Variants in EVA1A observed in about 807,000 individuals in gnomAD.
The protein encoded by EVA1A is eva-1 homolog A, regulator of programmed cell death.
In EVA1A, 7 loss-of-function variants were observed where a neutral mutation model predicts 9.8. The observed-to-expected ratio is 0.71, with a 90% CI of 0.41 to 1.34. The LOEUF is 1.34. EVA1A is among the 40% of genes most tolerant of loss of function. EVA1A has a pLI of 0.01. For synonymous variants in EVA1A, 90 were observed against 85.6 expected (o/e 1.05, Z -0.28); for missense variants, 206 against 205.9 (o/e 1.00, Z 0.00).
At chr2:75,518,937 T>A in intron 2 of EVA1A, 1 of 883,598 alleles carries the variant, frequency 1.1e-6, no homozygotes, top group African/African-American at 1.8e-5. Context: ...CTCGAGCTGC[T>A]CCCTGCCTCT....
At chr2:75,506,319 T>C (rs1168162714) in intron 3 of EVA1A, among the ~76,000 whole-genome samples, 1 of 152,260 alleles carries the variant, frequency 6.6e-6, no homozygotes, top group Non-Finnish European at 1.5e-5. Flanking sequence ...CATACTATTA[T>C]AGCTCTTGAT....
intron 3 of EVA1A, among the ~76,000 whole-genome samples, chr2:75,497,766 G>A (rs1674262671): frequency 1.4e-5 from 2 of 143,730 alleles, no homozygotes; most frequent in Admixed American, 7.4e-5. Context: ...CAGGAGGATC[G>A]CTTGAGCCAG....
chr2:75,548,838 G>A (rs1676419539), intron 1 of EVA1A, among the ~76,000 whole-genome samples: 1 of 151,818 alleles, frequency 6.6e-6, no homozygotes, highest in African/African-American at 2.4e-5. Flanking sequence ...TTTACTTCTT[G>A]AATGCCCATC....
At chr2:75,532,648 C>T (rs1336298605) in intron 1 of EVA1A, among the ~76,000 whole-genome samples, 2 of 152,050 alleles carry the variant, frequency 1.3e-5, no homozygotes, top group African/African-American at 4.8e-5. Flanking sequence ...TACAAAAGAC[C>T]TAACATTTGT....
chr2:75,532,555 T>C (rs1229866460), intron 1 of EVA1A, among the ~76,000 whole-genome samples: 3 of 152,048 alleles, frequency 2.0e-5, no homozygotes, highest in Non-Finnish European at 4.4e-5. Flanking sequence ...AAAGACAGAA[T>C]GATAGAAATT....
chr2:75,546,110 G>A (rs1676319622), intron 1 of EVA1A, among the ~76,000 whole-genome samples: 1 of 152,122 alleles, frequency 6.6e-6, no homozygotes, highest in African/African-American at 2.4e-5. Flanking sequence ...GCCAGGTCAT[G>A]GGAGGCCTGG....
intron 2 of EVA1A, among the ~76,000 whole-genome samples, chr2:75,519,678 C>T (rs140290595): frequency 1.3e-4 from 20 of 152,246 alleles, no homozygotes; most frequent in Non-Finnish European, 1.6e-4. Flanking sequence ...GGATGATACA[C>T]GTGAATGGTG....
chr2:75,523,203 C>T (rs1356386680), intron 1 of EVA1A, among the ~76,000 whole-genome samples: 1 of 152,222 alleles, frequency 6.6e-6, no homozygotes, highest in Non-Finnish European at 1.5e-5. Context: ...AGACACATCT[C>T]AGCTATTTCT....
chr2:75,494,349 T>C (rs1244837565), intron 3 of EVA1A, among the ~76,000 whole-genome samples: 1 of 152,190 alleles, frequency 6.6e-6, no homozygotes, highest in African/African-American at 2.4e-5. Context: ...CTGGAACCAA[T>C]GCCCTGCGTA....
intron 1 of EVA1A, among the ~76,000 whole-genome samples, chr2:75,551,160 C>G (rs6732989): frequency 6.6e-6 from 1 of 152,066 alleles, no homozygotes; most frequent in Non-Finnish European, 1.5e-5. Flanking sequence ...CCAAAAAAAA[C>G]GTGCTGGTCT....
At chr2:75,560,366 G>C (rs1378850463) in intron 1 of EVA1A, among the ~76,000 whole-genome samples, 2 of 152,214 alleles carry the variant, frequency 1.3e-5, no homozygotes, top group Non-Finnish European at 1.5e-5. Context: ...CTAGATTTGG[G>C]AACGACCTGC....
chr2:75,519,315 C>T (rs1261465662), intron 2 of EVA1A, among the ~76,000 whole-genome samples: 2 of 152,106 alleles, frequency 1.3e-5, no homozygotes, highest in African/African-American at 4.8e-5. Context: ...GAGAATGAAC[C>T]TGGGATCTCA....
intron 3 of EVA1A, among the ~76,000 whole-genome samples, chr2:75,514,185 G>C (rs1209739940): frequency 6.6e-6 from 1 of 152,160 alleles, no homozygotes; most frequent in Non-Finnish European, 1.5e-5. Flanking sequence ...GACTAAAGTG[G>C]ACGCCATACA....
At chr2:75,501,152 T>C (rs1475074296) in intron 3 of EVA1A, among the ~76,000 whole-genome samples, 1 of 152,100 alleles carries the variant, frequency 6.6e-6, no homozygotes, top group African/African-American at 2.4e-5. Flanking sequence ...CATTGTCCAC[T>C]CTTGACCCAC....
rs1553414710 is a variant in EVA1A at position 75,492,421 on chromosome 2, A to AAC, written c.*814_*815insGT. The AAC allele has an allele frequency of 5.9e-5, 9 of 152,058 alleles. No homozygotes were observed. Among genetic ancestry groups the AAC allele is most frequent in the East Asian group, 5.8e-4 (3 of 5,176 alleles). 9.4% of individuals were successfully genotyped at this position (152,058 alleles called of 1,614,324 possible). ...TCTTTGAAATCCAATTAAAAAAAAA[A>AAC]AAAAAAACAAAGTGTTTAAAATCAC... On this transcript the variant is annotated 3_prime_UTR_variant, in exon 4 of 4. Transcript: ENST00000393913.
chr2:75,546,298 T>C (rs745636361), intron 1 of EVA1A, among the ~76,000 whole-genome samples: 4 of 152,186 alleles, frequency 2.6e-5, no homozygotes, highest in African/African-American at 9.7e-5. Flanking sequence ...TTCACCTTTA[T>C]ATCCTTGGAG....
In EVA1A at chr2:75,497,841, A is replaced by T. The variant is rs189649500; in HGVS notation, c.86-4232T>A. Among the ~76,000 whole-genome samples the T allele has an allele frequency of 9.0e-3, 886 of 97,902 alleles. 46 individuals are homozygous for T. The Admixed American group carries it at 0.11, about 12-fold the overall frequency. The allele number at this position is 97,902 out of a possible 152,430, so 64.2% of individuals were successfully genotyped here. ...ACTCCAGTCTGGGTGACAAAGTGAGATCCTGTCTCAAAAAAAAAAAAAAAA... is the reference window on the plus strand; with the variant it reads ...ACTCCAGTCTGGGTGACAAAGTGAGTTCCTGTCTCAAAAAAAAAAAAAAAA... On this transcript the variant is annotated intron_variant, in intron 3 of 3. Coordinates refer to ENST00000393913, the MANE Select transcript of EVA1A (RefSeq NM_001135032.2).
intron 2 of EVA1A, among the ~76,000 whole-genome samples, chr2:75,521,840 TACCAC>T (rs1675241756): frequency 6.6e-6 from 1 of 152,254 alleles, no homozygotes; most frequent in Non-Finnish European, 1.5e-5. Flanking sequence ...ATATGTATTT[TACCAC>T]AATTTAAAAA....
At chr2:75,515,898 C>T (rs978274385) in intron 3 of EVA1A, among the ~76,000 whole-genome samples, 3 of 152,200 alleles carry the variant, frequency 2.0e-5, no homozygotes, top group Non-Finnish European at 4.4e-5. Flanking sequence ...CACACACACA[C>T]ACAAGAAAGT....
Sources: gnomAD v4.1 joint callset for allele counts (sites outside exome capture counted in the v4.1 genomes callset) on GRCh38, gnomAD v4.1.1 for gene constraint, MANE v1.5 for transcripts, NCBI Gene and HGNC (gene_info 2026-07-23, HGNC 2026-07-21) for gene names.